The following SASH1 variants were observed in gnomAD, a reference collection of about 807,000 sequenced individuals.
SASH1 encodes the protein SAM and SH3 domain containing 1.
Under a neutral mutation model 125.2 loss-of-function variants are expected in SASH1, and 44 were observed. The observed-to-expected ratio is 0.35, with a 90% CI of 0.28 to 0.45. The LOEUF is 0.45. Among genes scored for constraint, SASH1 ranks in the 20% least tolerant of loss-of-function variants. The pLI, the probability that SASH1 is intolerant of heterozygous loss-of-function variation, is 1.00. For missense variants in SASH1, 1,426 were observed against 1,614.5 expected, an observed-to-expected ratio of 0.88 and a Z score of 2.00; for synonymous variants, 639 against 649.1, an observed-to-expected ratio of 0.98 and a Z score of 0.24.
intron 1 of SASH1, among the ~76,000 whole-genome samples, chr6:148,308,716 A>G (rs1048165985): frequency 7.0e-6 from 1 of 142,978 alleles, no homozygotes; most frequent in African/African-American, 2.6e-5. Context: ...TTTTTAAAGT[A>G]TTTTCTGCTT....
intron 7 of SASH1, chr6:148,480,337 A>AT (rs1554262826): frequency 6.6e-6 from 1 of 152,126 alleles, no homozygotes; most frequent in East Asian, 1.9e-4. Flanking sequence ...AAAAAAAAAA[A>AT]AAAGAAAGAT....
chr6:148,500,507 T>C (rs1356031092), intron 8 of SASH1, among the ~76,000 whole-genome samples: 1 of 152,216 alleles, frequency 6.6e-6, no homozygotes, highest in Non-Finnish European at 1.5e-5. Context: ...CACTTGACTT[T>C]CCATCGTTTC....
chr6:148,498,386 G>A (rs1183324359), intron 8 of SASH1, among the ~76,000 whole-genome samples: 2 of 151,334 alleles, frequency 1.3e-5, no homozygotes, highest in African/African-American at 4.9e-5. Flanking sequence ...GGGTGGCAGA[G>A]CAAGAACCTG....
intron 2 of SASH1, among the ~76,000 whole-genome samples, chr6:148,425,780 G>T (rs2114960427): frequency 7.1e-6 from 1 of 141,362 alleles, no homozygotes; most frequent in Non-Finnish European, 1.5e-5. Context: ...CCCCCAGGCT[G>T]GAATGCAATG....
intron 4 of SASH1, among the ~76,000 whole-genome samples, chr6:148,451,504 A>G (rs1304321590): frequency 6.6e-6 from 1 of 152,144 alleles, no homozygotes; most frequent in Non-Finnish European, 1.5e-5. Context: ...CCTCTTCTAA[A>G]ATAGAAACAA....
the SASH1 span, among the ~76,000 whole-genome samples, chr6:148,251,687 TA>T: frequency 9.5e-4 from 144 of 151,968 alleles, 1 homozygote; most frequent in East Asian, 3.9e-3. Flanking sequence ...CTTTTTTTTT[TA>T]AATTATTATT....
chr6:148,410,116 T>C (rs1175676734), intron 2 of SASH1, among the ~76,000 whole-genome samples: 3 of 121,122 alleles, frequency 2.5e-5, no homozygotes, highest in Admixed American at 8.1e-5. Context: ...TTTTTTTTTT[T>C]TTTTTTTTTT....
upstream of SASH1, among the ~76,000 whole-genome samples, chr6:148,341,334 T>G (rs1395750763): frequency 6.0e-5 from 9 of 149,436 alleles, no homozygotes; most frequent in South Asian, 4.2e-4. Flanking sequence ...TTTTTTGTTT[T>G]TTTTTTTTTT....
intron 1 of SASH1, among the ~76,000 whole-genome samples, chr6:148,331,633 C>A (rs1582975403): frequency 6.6e-6 from 1 of 151,856 alleles, no homozygotes; most frequent in East Asian, 1.9e-4. Flanking sequence ...CCAGCCAGAA[C>A]TTGGTCTTTA....
the SASH1 span, among the ~76,000 whole-genome samples, chr6:148,199,202 C>A: frequency 6.6e-6 from 1 of 151,950 alleles, no homozygotes; most frequent in Non-Finnish European, 1.5e-5. Context: ...GCCAACATGG[C>A]AAAACACTGT....
At chr6:148,275,781 G>A (rs1054734509) in intron 1 of SASH1, among the ~76,000 whole-genome samples, 10 of 152,192 alleles carry the variant, frequency 6.6e-5, no homozygotes, top group African/African-American at 1.9e-4. Flanking sequence ...GAATGCAGTG[G>A]CATGATCATG....
intron 1 of SASH1, among the ~76,000 whole-genome samples, chr6:148,323,144 G>T (rs1158349826): frequency 6.6e-6 from 1 of 151,922 alleles, no homozygotes; most frequent in East Asian, 1.9e-4. Flanking sequence ...CAAGTAGCTG[G>T]GATTACAGGC....
chr6:148,391,145 T>C (rs1007902374), intron 2 of SASH1, among the ~76,000 whole-genome samples: 3 of 151,796 alleles, frequency 2.0e-5, no homozygotes, highest in Non-Finnish European at 4.4e-5. Flanking sequence ...GTTTCTCTCT[T>C]GTCCCCCAGG....
the SASH1 span, among the ~76,000 whole-genome samples, chr6:148,266,352 T>C: frequency 6.6e-6 from 1 of 152,152 alleles, no homozygotes; most frequent in Non-Finnish European, 1.5e-5. Context: ...AAGGCTTAGA[T>C]AAAATAAGAA....
chr6:148,467,617 AAAAAT>A (rs1777907786), intron 4 of SASH1, among the ~76,000 whole-genome samples: 1 of 152,132 alleles, frequency 6.6e-6, no homozygotes, highest in African/African-American at 2.4e-5. Flanking sequence ...ACCATCACTT[AAAAAT>A]GTTAGAGCTC....
intron 1 of SASH1, among the ~76,000 whole-genome samples, chr6:148,290,701 C>T (rs887109044): frequency 1.4e-4 from 20 of 146,724 alleles, no homozygotes; most frequent in Non-Finnish European, 2.4e-4. Flanking sequence ...ACTCCCTAAT[C>T]TCAAGTACCC....
intron 10 of SASH1, chr6:148,524,719 G>C (rs550485517): frequency 3.3e-5 from 5 of 152,178 alleles, no homozygotes; most frequent in Admixed American, 2.0e-4. Context: ...ATGGGGAAGC[G>C]GTGAGTGAGT....
chr6:148,201,379 A>G, the SASH1 span, among the ~76,000 whole-genome samples: 4 of 152,300 alleles, frequency 2.6e-5, no homozygotes, highest in East Asian at 5.8e-4. Context: ...GGGTGGGACC[A>G]ACTGAATAGA....
intron 2 of SASH1, among the ~76,000 whole-genome samples, chr6:148,433,540 G>A (rs1776153263): frequency 6.6e-6 from 1 of 151,454 alleles, no homozygotes; most frequent in South Asian, 2.1e-4. Context: ...TGAGTAGCTG[G>A]GACTACAGGT....
Sources: gnomAD v4.1 joint callset for allele counts (sites outside exome capture counted in the v4.1 genomes callset) on GRCh38, gnomAD v4.1.1 for gene constraint, MANE v1.5 for transcripts, NCBI Gene and HGNC (gene_info 2026-07-23, HGNC 2026-07-21) for gene names.